SLK: variants seen among roughly 807,000 people sequenced by gnomAD.
SLK encodes the protein STE20-like serine/threonine-protein kinase.
Under a neutral mutation model 147.7 loss-of-function variants are expected in SLK, and 67 were observed. The observed-to-expected ratio is 0.45, with a 90% CI of 0.37 to 0.56. The LOEUF is 0.56. SLK is among the 20% of genes least tolerant of loss of function. The pLI is 0.00. For synonymous variants in SLK, 441 were observed against 475.0 expected, an observed-to-expected ratio of 0.93 and a Z score of 0.93; for missense variants, 1,136 against 1,438.8, an observed-to-expected ratio of 0.79 and a Z score of 3.41.
At chr10:104,008,026 T>C (rs1844350785) in intron 11 of SLK, 151 bp from the exon 12 acceptor site, 1 of 555,150 alleles carries the variant, frequency 1.8e-6, no homozygotes, top group African/African-American at 1.9e-5. Flanking sequence ...TCATAACATA[T>C]TTTAGTGCAT....
At chr10:104,019,585 G>A (rs1844508724) in intron 15 of SLK, 149 bp from the exon 16 acceptor site, 3 of 683,612 alleles carry the variant, frequency 4.4e-6, no homozygotes, top group Admixed American at 2.5e-5. Context: ...CTTCTTACAA[G>A]TTATTTTGTG....
chr10:104,022,766 C>T (rs1489022996), intron 18 of SLK, among the ~76,000 whole-genome samples: 1 of 152,168 alleles, frequency 6.6e-6, no homozygotes, highest in African/African-American at 2.4e-5. Context: ...CACCACCACA[C>T]CTGGCTAATT....
At chr10:104,024,359 T>A (rs1844571462) in intron 18 of SLK, among the ~76,000 whole-genome samples, 1 of 152,190 alleles carries the variant, frequency 6.6e-6, no homozygotes, top group Admixed American at 6.5e-5. Flanking sequence ...TGTTGAGAAA[T>A]CTTCAGTTCC....
At chr10:103,996,400 CTTTTTTT>C (rs555751299) in intron 4 of SLK, among the ~76,000 whole-genome samples, 2 of 106,458 alleles carry the variant, frequency 1.9e-5, no homozygotes, top group Non-Finnish European at 3.9e-5. Flanking sequence ...TTTTTCTTTT[CTTTTTTT>C]TTTTTTTTTG....
chr10:103,983,531 A>G (rs1187659363), intron 1 of SLK, among the ~76,000 whole-genome samples: 1 of 152,150 alleles, frequency 6.6e-6, no homozygotes, highest in Non-Finnish European at 1.5e-5. Flanking sequence ...CCTTGCTAGC[A>G]GCTCATTTCT....
rs994586577 is a variant in SLK, at chr10:104,026,463, T to C, written c.*743T>C. ...TGGAATTTTTGCTTCTCTTACCGTT[T>C]GATAGAAATTTTCATCCTAAAATAC... On this transcript the variant is annotated 3_prime_UTR_variant, in exon 19 of 19. Transcript: ENST00000369755. 6.6e-6 allele frequency: 1 copy of C among 152,272 alleles called. No homozygotes were observed. Among genetic ancestry groups the C allele is most frequent in the Non-Finnish European group, 1.5e-5 (1 of 67,888 alleles). 9.4% of individuals were successfully genotyped at this position (152,272 alleles called of 1,614,324 possible). A position where few individuals can be genotyped will look rare whatever the true frequency, so the allele number is the denominator to read the frequency against.
chr10:104,028,534 C>T lies in SLK; in HGVS notation c.*2814C>T, dbSNP rs1356749961. ...TTACTTTGCTGAAAATATTAGAACT[C>T]TCTTGTGACAGGATACAGCAAATTA... On this transcript the variant is annotated 3_prime_UTR_variant, in exon 19 of 19. Coordinates refer to ENST00000369755, the MANE Select transcript of SLK (RefSeq NM_014720.4). The T allele has an allele frequency of 1.3e-5, 2 of 152,170 alleles. No individual in the cohort carries two copies. The highest frequency in any genetic ancestry group is 1.3e-4 in the Admixed American group (2 of 15,276). The allele number at this position is 152,170 out of a possible 1,614,324, so 9.4% of individuals were successfully genotyped here. A position where few individuals can be genotyped will look rare whatever the true frequency, so the allele number is the denominator to read the frequency against.
At chr10:103,995,728 A>G (rs1844162510) in intron 4 of SLK, among the ~76,000 whole-genome samples, 1 of 152,020 alleles carries the variant, frequency 6.6e-6, no homozygotes, top group Admixed American at 6.6e-5. Context: ...ACCCAGTGTA[A>G]TTAGCCATTT....
chr10:104,018,454 C>T (rs999147719), intron 14 of SLK, among the ~76,000 whole-genome samples, 165 bp downstream of exon 14: 5 of 152,016 alleles, frequency 3.3e-5, no homozygotes, highest in Admixed American at 2.6e-4. Context: ...GTTAGTATAC[C>T]TAATGGTCGT....
At chr10:104,010,999 T>C (rs1403194455) in intron 13 of SLK, 91 bp downstream of exon 13, 1 of 682,958 alleles carries the variant, frequency 1.5e-6, no homozygotes, top group East Asian at 3.1e-5. Context: ...ATTTTAAGTG[T>C]TATTATTATA....
chr10:103,985,116 A>G (rs1234614023), intron 1 of SLK, among the ~76,000 whole-genome samples: 3 of 152,172 alleles, frequency 2.0e-5, no homozygotes, highest in African/African-American at 7.2e-5. Context: ...CAGTTGTTCT[A>G]TTTTATTATT....
At chr10:103,992,572 G>GT in intron 2 of SLK, 26 bp from the exon 3 acceptor site, 1 of 1,126,796 alleles carries the variant, frequency 8.9e-7, no homozygotes, top group Non-Finnish European at 1.1e-6. Flanking sequence ...TTAGACACAC[G>GT]CTTTTTTTTT....
At chr10:104,005,802 C>A in intron 10 of SLK, 110 bp from the exon 11 acceptor site, 8 of 1,481,798 alleles carry the variant, frequency 5.4e-6, no homozygotes, top group Non-Finnish European at 7.3e-6. Flanking sequence ...TTTTTTTATT[C>A]TTTTACTACC....
chr10:104,008,769 A>G (rs1237656617), intron 12 of SLK, among the ~76,000 whole-genome samples: 1 of 152,224 alleles, frequency 6.6e-6, no homozygotes, highest in Non-Finnish European at 1.5e-5. Context: ...TGTGTTTGCC[A>G]GTGGCAGCAG....
At chr10:103,977,584 C>G (rs572257579) in intron 1 of SLK, among the ~76,000 whole-genome samples, 1 of 152,342 alleles carries the variant, frequency 6.6e-6, no homozygotes, top group East Asian at 1.9e-4. Flanking sequence ...GCACTCCAGC[C>G]TTGGTGACAG....
intron 4 of SLK, among the ~76,000 whole-genome samples, chr10:103,997,595 T>C (rs553922142): frequency 2.1e-4 from 31 of 151,120 alleles, no homozygotes; most frequent in Non-Finnish European, 4.1e-4. Context: ...TTTTTTTTTT[T>C]CTATGCTACA....
At position 104,002,615 on chromosome 10, in the gene SLK, G is replaced by C. The variant is rs769699590; in HGVS notation, c.1437G>C (p.Gln479His). 6.2e-7 allele frequency: 1 copy of C among 1,607,038 alleles called. No homozygotes were observed. Among genetic ancestry groups the C allele is most frequent in the Non-Finnish European group, 8.5e-7 (1 of 1,176,084 alleles). Reference protein sequence around the residue: ...SEEEKDQEKQQMFENKLIKSE... With the variant: ...SEEEKDQEKQHMFENKLIKSE... ...AAGAAAAGGATCAGGAAAAGCAACA[G>C]ATGTTTGAAAATAAGCTTATAAAAT... Residue 479 changes from glutamine to histidine, a missense_variant, in exon 9 of 19, where the codon CAG becomes CAC. By Grantham distance (24) the Gln-to-His change is conservative. Around this residue, in one of 6 missense-constraint regions of SLK, gnomAD observed 516 missense variants for 531.3 expected, o/e 0.97. Coordinates refer to ENST00000369755, the MANE Select transcript of SLK (RefSeq NM_014720.4).
At chr10:104,006,066 C>T (rs1329876667) in intron 11 of SLK, 31 bp downstream of exon 11, 2 of 1,592,064 alleles carry the variant, frequency 1.3e-6, no homozygotes, top group Non-Finnish European at 1.7e-6. Context: ...CATTTTATAT[C>T]ATTTTGTGTT....
Position 103,967,258 on chromosome 10 carries a change from C to T in SLK, c.-488C>T. 6.6e-6 allele frequency: 1 copy of T among 151,208 alleles called. No individual in the cohort carries two copies. Among genetic ancestry groups the T allele is most frequent in the Non-Finnish European group, 1.5e-5 (1 of 67,870 alleles). 9.4% of individuals were successfully genotyped at this position (151,208 alleles called of 1,614,324 possible). The stretch of plus-strand genomic sequence containing the variant: ...GCGGGCCTTGCGCCGCGGGAGCGGA[C>T]GGCGGCGGAGGAGACCCTAGGCTCG... On this transcript the variant is annotated 5_prime_UTR_variant, in exon 1 of 19. In the 5' UTR this introduces an upstream ATG that the reference lacks. Transcript: ENST00000369755.
Sources: allele counts gnomAD v4.1 joint callset (sites outside exome capture counted in the v4.1 genomes callset), GRCh38; gene constraint gnomAD v4.1.1; regional missense constraint gnomAD v4.1.1; transcripts MANE v1.5; gene names NCBI Gene and HGNC (gene_info 2026-07-23, HGNC 2026-07-21).